KLRG1: variants seen among roughly 807,000 people sequenced by gnomAD.
KLRG1 encodes the protein killer cell lectin like receptor G1.
Under a neutral mutation model 21.8 loss-of-function variants are expected in KLRG1, and 16 were observed. The observed-to-expected ratio is 0.73, with a 90% CI of 0.50 to 1.11. The LOEUF (loss-of-function observed/expected upper bound fraction) is 1.11, where lower values mean the gene tolerates loss of function less well. KLRG1 is among the 50% of genes most tolerant of loss of function. The pLI, the probability that KLRG1 is intolerant of heterozygous loss-of-function variation, is 0.00. For synonymous variants in KLRG1, 69 were observed against 75.9 expected (o/e 0.91, Z 0.47); for missense variants, 173 against 218.3 (o/e 0.79, Z 1.31).
chr12:9,208,160 A>G, the KLRG1 span: 4 of 813,990 alleles, frequency 4.9e-6, no homozygotes, highest in South Asian at 1.4e-5. Context: ...AAGGTATTGT[A>G]ATGAGTGGAA....
chr12:8,967,903 G>T (rs1490662019), intron 1 of KLRG1, among the ~76,000 whole-genome samples: 19 of 151,454 alleles, frequency 1.3e-4, no homozygotes, highest in Admixed American at 1.2e-3. Flanking sequence ...ATGTGCAATG[G>T]AGAACCTAGA....
chr12:9,074,791 A>G, the KLRG1 span: 1 of 1,600,912 alleles, frequency 6.2e-7, no homozygotes, highest in Non-Finnish European at 8.5e-7. Context: ...TGTCTTAAAG[A>G]TGAGAAAAAG....
At chr12:9,052,061 T>G in the KLRG1 span, among the ~76,000 whole-genome samples, 1 of 152,250 alleles carries the variant, frequency 6.6e-6, no homozygotes, top group Non-Finnish European at 1.5e-5. Flanking sequence ...GATTGAGATT[T>G]ACAACAGGAA....
At chr12:8,958,196 T>C (rs10743568) in intron 1 of KLRG1, among the ~76,000 whole-genome samples, 122,309 of 152,120 alleles carry the variant, frequency 0.8, 49,595 homozygotes, top group Admixed American at 0.84. Context: ...GTGTGCCCGG[T>C]CTGTGATCTA....
At chr12:9,074,449 T>G in the KLRG1 span, 1 of 1,105,904 alleles carries the variant, frequency 9.0e-7, no homozygotes. Flanking sequence ...CTTTTCCTCA[T>G]TTCAAGTTAC....
chr12:9,163,094 G>GA, the KLRG1 span, among the ~76,000 whole-genome samples: 2,375 of 152,030 alleles, frequency 0.016, 24 homozygotes, highest in Non-Finnish European at 0.022. Flanking sequence ...GTGGTAGAGA[G>GA]AAAATGGGAA....
chr12:9,105,100 T>C, the KLRG1 span, among the ~76,000 whole-genome samples: 2 of 152,186 alleles, frequency 1.3e-5, no homozygotes, highest in Non-Finnish European at 2.9e-5. Flanking sequence ...TAATATTGTA[T>C]TGGCAGTTGA....
chr12:9,085,597 G>A, the KLRG1 span, among the ~76,000 whole-genome samples: 1 of 151,884 alleles, frequency 6.6e-6, no homozygotes, highest in South Asian at 2.1e-4. Context: ...CCTCAGAGAA[G>A]TAGGAAAAGA....
At chr12:9,163,998 G>A in the KLRG1 span, 2 of 1,292,506 alleles carry the variant, frequency 1.5e-6, no homozygotes, top group East Asian at 2.4e-5. Flanking sequence ...AGGTCATAGT[G>A]GATAGAAATA....
chr12:9,188,529 C>T, the KLRG1 span, among the ~76,000 whole-genome samples: 7 of 152,104 alleles, frequency 4.6e-5, no homozygotes, highest in Non-Finnish European at 8.8e-5. Flanking sequence ...CCAGAACAAT[C>T]GGGCAAGACA....
At chr12:9,160,680 C>T in the KLRG1 span, among the ~76,000 whole-genome samples, 2 of 151,962 alleles carry the variant, frequency 1.3e-5, no homozygotes, top group Non-Finnish European at 2.9e-5. Flanking sequence ...TTTGGGAGGC[C>T]GAGGCGGGCG....
chr12:9,078,006 C>T, the KLRG1 span: 1 of 870,742 alleles, frequency 1.1e-6, no homozygotes, highest in Non-Finnish European at 1.8e-6. Flanking sequence ...TTTAGTCTGC[C>T]TGATTAATCT....
the KLRG1 span, among the ~76,000 whole-genome samples, chr12:9,033,914 T>A: frequency 1.3e-5 from 2 of 152,212 alleles, no homozygotes; most frequent in Non-Finnish European, 2.9e-5. Context: ...CCATGTTGGA[T>A]GCTTCACTAG....
the KLRG1 span, chr12:9,028,152 T>TTC: frequency 1.0e-5 from 6 of 578,996 alleles, no homozygotes; most frequent in African/African-American, 8.0e-5. Flanking sequence ...TCTTCTTCTT[T>TTC]TTTTTTTTTT....
chr12:9,123,041 T>C, the KLRG1 span, among the ~76,000 whole-genome samples: 3 of 152,194 alleles, frequency 2.0e-5, no homozygotes, highest in African/African-American at 7.2e-5. Context: ...TAACTTTTAT[T>C]AGAAAATAAA....
chr12:9,044,673 C>CAA, the KLRG1 span, among the ~76,000 whole-genome samples: 50 of 146,662 alleles, frequency 3.4e-4, no homozygotes, highest in Middle Eastern at 3.5e-3. Context: ...TTTCAAAAAA[C>CAA]AAAAAAAAAA....
the KLRG1 span, chr12:9,158,555 C>A: frequency 6.2e-7 from 1 of 1,614,090 alleles, no homozygotes; most frequent in Non-Finnish European, 8.5e-7. Context: ...GGGCGAAAGT[C>A]TTCAGTACAA....
chr12:9,147,844 C>T, the KLRG1 span, among the ~76,000 whole-genome samples: 1 of 152,130 alleles, frequency 6.6e-6, no homozygotes. Context: ...CCAAATGTTG[C>T]CTTTATGTAT....
intron 1 of KLRG1, among the ~76,000 whole-genome samples, chr12:8,959,391 C>T (rs1259888092): frequency 6.6e-5 from 10 of 152,094 alleles, no homozygotes; most frequent in Non-Finnish European, 8.8e-5. Flanking sequence ...GTCCTGAGAC[C>T]GCTTCCCAGG....
Sources: gnomAD v4.1 joint callset for allele counts (sites outside exome capture counted in the v4.1 genomes callset) on GRCh38, gnomAD v4.1.1 for gene constraint, MANE v1.5 for transcripts, NCBI Gene and HGNC (gene_info 2026-07-23, HGNC 2026-07-21) for gene names.